The following DSCAML1 variants were observed in gnomAD, a reference collection of about 807,000 sequenced individuals.
DSCAML1 encodes cell adhesion molecule DSCAML1.
DSCAML1 carries 38 observed loss-of-function variants against 200.5 expected under a neutral mutation model. The observed-to-expected ratio is 0.19, with a 90% CI of 0.15 to 0.25. The LOEUF (loss-of-function observed/expected upper bound fraction) is 0.25, where lower values mean the gene tolerates loss of function less well. Among genes scored for constraint, DSCAML1 ranks in the 10% least tolerant of loss-of-function variants. DSCAML1 has a pLI of 1.00. For missense variants in DSCAML1, 2,223 were observed against 2,858.8 expected (o/e 0.78, Z 5.07); for synonymous variants, 1,215 against 1,165.0 (o/e 1.04, Z -0.87).
rs766798859 is a variant in DSCAML1, at chr11:117,482,125, G to A, written c.2397C>T (p.Ile799=). The A allele has an allele frequency of 2.1e-5, 34 of 1,614,172 alleles. No individual in the cohort carries two copies. The highest frequency in any genetic ancestry group is 7.7e-5 in the South Asian group (7 of 91,088). The change falls in exon 12 of 33, where the codon ATC becomes ATT. Residue 799 remains isoleucine, a synonymous_variant. Transcript: ENST00000651296. The stretch of plus-strand genomic sequence containing the variant: ...GCTCCTTCGCATGGCCCTTGATGGC[G>A]ATGGTGGTGTTGGGGTGGGAAGTGA... ...AMITSHPNTT[I]AIKGHAKELN...
chr11:117,560,252 G>A (rs1247784795), intron 3 of DSCAML1, among the ~76,000 whole-genome samples: 2 of 152,144 alleles, frequency 1.3e-5, no homozygotes, highest in African/African-American at 2.4e-5. Context: ...CAGGTACTAT[G>A]CTACGGTTTT....
chr11:117,595,568 A>T (rs565405527), intron 3 of DSCAML1, among the ~76,000 whole-genome samples: 2 of 152,336 alleles, frequency 1.3e-5, no homozygotes, highest in Non-Finnish European at 2.9e-5. Context: ...CTGTGATAAA[A>T]ATGGCAGGGA....
chr11:117,525,056 A>C lies in DSCAML1; in HGVS notation c.686T>G (p.Leu229Arg), dbSNP rs1448984905. Residue 229 changes from leucine (L) to arginine (R), a missense_variant, in exon 5 of 33, where the codon CTG becomes CGG. Around this residue, in one of 7 missense-constraint regions of DSCAML1, gnomAD observed 579 missense variants for 721.5 expected, o/e 0.80. Coordinates refer to ENST00000651296, the MANE Select transcript of DSCAML1 (RefSeq NM_020693.4). ...TDPAESIPTI[L>R]DGFHSQEVWA... ...CACTTCCTGGGAGTGGAAGCCATCC[A>C]GGATGGTGGGGATCGACTCAGCAGG... 2 of 1,583,178 alleles carry C rather than the reference A, an allele frequency of 1.3e-6. No individual in the cohort carries two copies. The highest frequency in any genetic ancestry group is 4.6e-5 in the East Asian group (2 of 43,342).
rs758553454 is a variant in DSCAML1 at position 117,428,702 on chromosome 11, T to C, written c.5788A>G (p.Ile1930Val). Residue 1930 changes from isoleucine to valine, a missense_variant, in exon 33 of 33, where the codon ATC becomes GTC. Ile to Val is a conservative substitution (Grantham distance 29, BLOSUM62 3). This residue lies in a region of DSCAML1 where 280 missense variants were observed against 213.4 expected (regional missense o/e 1.31). Transcript: ENST00000651296. ...TGGTAGGTTCGAGCCAGGTTCCGGA[T>C]GGAGGCCTCACGGGGTGGGACCACG... is the stretch of plus-strand genomic sequence containing the variant. ...CPVVPPREAS[I>V]RNLARTYHTQ... 6.2e-7 allele frequency: 1 copy of C among 1,613,200 alleles called. No homozygotes were observed. Among genetic ancestry groups the C allele is most frequent in the Admixed American group, 1.7e-5 (1 of 59,920 alleles).
At chr11:117,591,699 G>C (rs1053782022) in intron 3 of DSCAML1, among the ~76,000 whole-genome samples, 1 of 152,136 alleles carries the variant, frequency 6.6e-6, no homozygotes, top group Non-Finnish European at 1.5e-5. Context: ...ACGGGCTCAG[G>C]TGCCAGCATC....
intron 8 of DSCAML1, among the ~76,000 whole-genome samples, chr11:117,514,253 G>C (rs952818930): frequency 2.6e-5 from 4 of 152,178 alleles, no homozygotes; most frequent in African/African-American, 9.7e-5. Flanking sequence ...TTCCCTTGGG[G>C]ATACAAAGGG....
intron 3 of DSCAML1, among the ~76,000 whole-genome samples, chr11:117,733,488 C>A (rs2054261075): frequency 6.6e-6 from 1 of 152,168 alleles, no homozygotes; most frequent in Admixed American, 6.5e-5. Context: ...AGTCTGCTGA[C>A]TACGAAAGGA....
intron 3 of DSCAML1, among the ~76,000 whole-genome samples, chr11:117,730,277 C>T (rs903834146): frequency 1.2e-4 from 19 of 152,094 alleles, no homozygotes; most frequent in Admixed American, 1.2e-3. Context: ...CAGAGTGATA[C>T]AATTGCTAGC....
intron 3 of DSCAML1, among the ~76,000 whole-genome samples, chr11:117,539,233 C>G (rs2050221364): frequency 6.6e-6 from 1 of 152,142 alleles, no homozygotes; most frequent in Admixed American, 6.5e-5. Context: ...AAACCCACTC[C>G]CATTTCTGAG....
At chr11:117,805,808 C>T (rs2055703355) in intron 1 of DSCAML1, among the ~76,000 whole-genome samples, 1 of 152,230 alleles carries the variant, frequency 6.6e-6, no homozygotes, top group South Asian at 2.1e-4. Context: ...CCTCAGGAAG[C>T]TTGCATTCCA....
At chr11:117,654,480 T>C (rs886664748) in intron 3 of DSCAML1, among the ~76,000 whole-genome samples, 2 of 152,190 alleles carry the variant, frequency 1.3e-5, no homozygotes, top group Non-Finnish European at 1.5e-5. Flanking sequence ...GAAAAGTCAC[T>C]TACTTCTCTG....
chr11:117,574,988 C>T (rs1300293287), intron 3 of DSCAML1, among the ~76,000 whole-genome samples: 3 of 152,046 alleles, frequency 2.0e-5, no homozygotes, highest in Admixed American at 6.5e-5. Context: ...GTCAGGAGTT[C>T]GAGACCAGCC....
intron 11 of DSCAML1, among the ~76,000 whole-genome samples, chr11:117,486,832 A>T: frequency 6.6e-6 from 1 of 151,430 alleles, no homozygotes; most frequent in Non-Finnish European, 1.5e-5. Flanking sequence ...AGCCAGCCCA[A>T]ATTGGGATGT....
intron 3 of DSCAML1, among the ~76,000 whole-genome samples, chr11:117,728,438 C>A (rs904218250): frequency 1.3e-5 from 2 of 151,924 alleles, no homozygotes; most frequent in African/African-American, 4.8e-5. Flanking sequence ...CTCACCGGGG[C>A]AATTAGGCAA....
intron 5 of DSCAML1, 39 bp downstream of exon 5, chr11:117,524,766 G>A (rs2276339): frequency 0.21 from 317,897 of 1,546,218 alleles, 34,687 homozygotes; most frequent in East Asian, 0.36. Context: ...GGCGCCCTCA[G>A]AGGTTACTGG....
At position 117,463,652 on chromosome 11, in the gene DSCAML1, G is replaced by A. The variant is rs963093814; in HGVS notation, c.3265+1290C>T. Among the ~76,000 whole-genome samples the A allele has an allele frequency of 1.3e-5, 2 of 152,138 alleles. No individual in the cohort carries two copies. The highest frequency in any genetic ancestry group is 4.8e-5 in the African/African-American group (2 of 41,434). On this transcript the variant is annotated intron_variant, in intron 17 of 32. Coordinates refer to ENST00000651296, the MANE Select transcript of DSCAML1 (RefSeq NM_020693.4). This position sits in a 1 kb window ranked among gnomAD's most constrained non-coding sequence, Gnocchi z 4.0. ...CGAGGCCAGCATCTCAGGGTGGGAG[G>A]GATGGAGAGGGATAGCGAGGGCCAT...
intron 6 of DSCAML1, among the ~76,000 whole-genome samples, chr11:117,519,113 A>C (rs760221817): frequency 3.3e-5 from 5 of 152,206 alleles, no homozygotes; most frequent in Non-Finnish European, 7.3e-5. Flanking sequence ...GAATTAATAC[A>C]TTTCAGAGGC....
intron 3 of DSCAML1, among the ~76,000 whole-genome samples, chr11:117,600,711 T>C (rs1180594797): frequency 2.0e-4 from 30 of 152,210 alleles, no homozygotes; most frequent in Admixed American, 2.0e-3. Context: ...AACCTGTCAT[T>C]ATCTCTTGGC....
chr11:117,639,794 G>A (rs981917368), intron 3 of DSCAML1, among the ~76,000 whole-genome samples: 12 of 152,074 alleles, frequency 7.9e-5, no homozygotes, highest in East Asian at 1.9e-4. Flanking sequence ...CAGAGGCCCC[G>A]GGAACTCTGG....
Sources: allele counts gnomAD v4.1 joint callset (sites outside exome capture counted in the v4.1 genomes callset), GRCh38; gene constraint gnomAD v4.1.1; regional missense constraint gnomAD v4.1.1; non-coding constraint Gnocchi (gnomAD v3.1); transcripts MANE v1.5; gene names NCBI Gene and HGNC (gene_info 2026-07-23, HGNC 2026-07-21).